The following DHRSX variants were observed in gnomAD, a reference collection of about 807,000 sequenced individuals.
The protein encoded by DHRSX is polyprenol dehydrogenase.
DHRSX carries 31 observed loss-of-function variants against 34.0 expected under a neutral mutation model. The ratio of observed to expected loss-of-function variants is 0.91; its 90% CI spans 0.69 to 1.23. The LOEUF is 1.23. DHRSX is among the 50% of genes most tolerant of loss of function. DHRSX has a pLI of 0.00. For missense variants in DHRSX, 414 were observed against 428.1 expected (o/e 0.97, Z 0.29); for synonymous variants, 201 against 183.8 (o/e 1.09, Z -0.76).
chrX:2,468,561 C>T (rs1038267275), intron 1 of DHRSX, among the ~76,000 whole-genome samples: 8 of 152,034 alleles, frequency 5.3e-5, no homozygotes, highest in Admixed American at 1.3e-4. Flanking sequence ...AAGAATGCGG[C>T]CACGGGACTA....
chrX:2,486,020 G>C (rs2044918190), intron 1 of DHRSX, among the ~76,000 whole-genome samples: 3 of 151,428 alleles, frequency 2.0e-5, no homozygotes, highest in Non-Finnish European at 4.4e-5. Flanking sequence ...AGGTGAGGAA[G>C]ACAGGAAGAG....
intron 5 of DHRSX, among the ~76,000 whole-genome samples, chrX:2,265,073 C>A (rs2041429678): frequency 6.8e-6 from 1 of 147,468 alleles, no homozygotes; most frequent in African/African-American, 2.5e-5. Context: ...CCCCAGAGCA[C>A]CAGTATCCAG....
rs1232785509 is a variant in DHRSX, at chrX:2,483,712, G to A, written c.109+17105C>T. 8.7e-5 allele frequency among the ~76,000 whole-genome samples: 13 copies of A among 149,802 alleles called. No individual in the cohort carries two copies. The Middle Eastern group carries it at 0.014, about 159-fold the overall frequency. On this transcript the variant is annotated intron_variant, in intron 1 of 6. Transcript: ENST00000334651. The stretch of plus-strand genomic sequence containing the variant: ...AAGAAACACAGAGCCCAGAGTGTGC[G>A]ATCTGAGCTGTTTCTCAAACCAGGA...
intron 3 of DHRSX, among the ~76,000 whole-genome samples, chrX:2,304,124 A>ATGG (rs2042062838): frequency 5.8e-5 from 1 of 17,150 alleles, no homozygotes; most frequent in Non-Finnish European, 1.6e-4. Context: ...TGGATGGATA[A>ATGG]ATGGATGGAT....
At chrX:2,316,760 C>T (rs1039890233) in intron 3 of DHRSX, among the ~76,000 whole-genome samples, 2 of 152,166 alleles carry the variant, frequency 1.3e-5, no homozygotes, top group Non-Finnish European at 2.9e-5. Context: ...TCCTACTGCT[C>T]AAGGTCATCG....
intron 1 of DHRSX, among the ~76,000 whole-genome samples, chrX:2,453,733 T>G (rs2044257645): frequency 6.7e-6 from 1 of 150,178 alleles, no homozygotes; most frequent in Admixed American, 6.6e-5. Flanking sequence ...AATTCCAAGA[T>G]CTATCACACC....
chrX:2,411,576 A>AG (rs1379235755), intron 2 of DHRSX, among the ~76,000 whole-genome samples: 3 of 149,476 alleles, frequency 2.0e-5, no homozygotes, highest in Non-Finnish European at 4.5e-5. Flanking sequence ...AAAAAAAAAA[A>AG]GTTAGCCAGA....
At chrX:2,446,035 A>G (rs751036740) in intron 1 of DHRSX, among the ~76,000 whole-genome samples, 1 of 150,834 alleles carries the variant, frequency 6.6e-6, no homozygotes, top group South Asian at 2.1e-4. Context: ...CACTAAAGAC[A>G]TTCCCTAAGT....
chrX:2,224,053 C>T (rs1440511556), intron 6 of DHRSX, among the ~76,000 whole-genome samples: 3 of 152,236 alleles, frequency 2.0e-5, no homozygotes, highest in African/African-American at 7.2e-5. Context: ...AGATGTTCAC[C>T]CACACTGTGT....
chrX:2,431,248 C>G, intron 1 of DHRSX, among the ~76,000 whole-genome samples: 1 of 149,894 alleles, frequency 6.7e-6, no homozygotes, highest in Middle Eastern at 3.4e-3. Flanking sequence ...TGGCGTGAAC[C>G]TGGGAGGTAG....
At chrX:2,370,098 TGACA>T (rs1249543268) in intron 3 of DHRSX, among the ~76,000 whole-genome samples, 16 of 152,108 alleles carry the variant, frequency 1.1e-4, no homozygotes, top group Admixed American at 9.8e-4. Context: ...CTCACCTTCC[TGACA>T]ATGACACCTG....
chrX:2,331,436 GTTTTTTTTTT>G (rs1159991841), intron 3 of DHRSX, among the ~76,000 whole-genome samples: 16,076 of 94,412 alleles, frequency 0.17, 1,093 homozygotes, highest in Middle Eastern at 0.27. Flanking sequence ...AGGTTTTTTG[GTTTTTTTTTT>G]TTTTTTTTTT....
chrX:2,243,374 T>C (rs192113632), intron 5 of DHRSX, 144 bp from the exon 6 acceptor site: 121 of 661,810 alleles, frequency 1.8e-4, no homozygotes, highest in African/African-American at 1.6e-3. Flanking sequence ...TGCCATCTGT[T>C]GGCCAGTTTT....
chrX:2,435,652 G>C (rs1392993177), intron 1 of DHRSX, among the ~76,000 whole-genome samples: 13 of 152,070 alleles, frequency 8.5e-5, no homozygotes, highest in Non-Finnish European at 1.8e-4. Context: ...GTAGTCCCAG[G>C]TACGTGGGAG....
intron 4 of DHRSX, among the ~76,000 whole-genome samples, chrX:2,274,033 TTTA>T (rs760790362): frequency 3.3e-5 from 5 of 152,076 alleles, no homozygotes; most frequent in South Asian, 2.1e-4. Flanking sequence ...TTATTCCTAT[TTTA>T]TTATTATTAT....
intron 1 of DHRSX, among the ~76,000 whole-genome samples, chrX:2,482,004 G>A (rs2044780337): frequency 6.6e-6 from 1 of 151,490 alleles, no homozygotes; most frequent in Non-Finnish European, 1.5e-5. Context: ...CCAGGCTATT[G>A]CCCAGCCTGG....
chrX:2,389,539 G>A (rs2043311135), intron 3 of DHRSX, among the ~76,000 whole-genome samples: 1 of 152,086 alleles, frequency 6.6e-6, no homozygotes, highest in Admixed American at 6.6e-5. Flanking sequence ...TTGGCGTGCT[G>A]GACACGTGTG....
rs1175175160 is a variant in DHRSX at position 2,247,582 on chromosome X, A to G, written c.597-4352T>C. Among the ~76,000 whole-genome samples, 4 of 141,922 alleles carry G rather than the reference A, an allele frequency of 2.8e-5. No homozygotes were observed. In the South Asian group the frequency reaches 9.2e-4, roughly 33 times the overall value. The allele number at this position is 141,922 out of a possible 152,430, so 93.1% of individuals were successfully genotyped here. On this transcript the variant is annotated intron_variant, in intron 5 of 6. Coordinates refer to ENST00000334651, the MANE Select transcript of DHRSX (RefSeq NM_145177.3). ...GGCAGGAGAATGGCGTGAACCCGGG[A>G]GGCGGAGCTTGCAGTGAGCCGAGAT...
chrX:2,353,241 C>T (rs1417773895), intron 3 of DHRSX, among the ~76,000 whole-genome samples: 3 of 151,990 alleles, frequency 2.0e-5, no homozygotes, highest in Non-Finnish European at 1.5e-5. Flanking sequence ...CAGACCCTGT[C>T]TCAAAAAAAG....
Sources: gnomAD v4.1 joint callset for allele counts (sites outside exome capture counted in the v4.1 genomes callset) on GRCh38, gnomAD v4.1.1 for gene constraint, MANE v1.5 for transcripts, NCBI Gene and HGNC (gene_info 2026-07-23, HGNC 2026-07-21) for gene names.